The following SLC35F2 variants were observed in gnomAD, a reference collection of about 807,000 sequenced individuals.
The protein encoded by SLC35F2 is solute carrier family 35 member F2.
In SLC35F2, 25 loss-of-function variants were observed where a neutral mutation model predicts 38.1. The ratio of observed to expected loss-of-function variants is 0.66; its 90% CI spans 0.48 to 0.92. SLC35F2 has a LOEUF of 0.92. Among genes scored for constraint, SLC35F2 ranks in the 40% least tolerant of loss-of-function variants. SLC35F2 has a pLI of 0.00. For missense variants in SLC35F2, 409 were observed against 452.9 expected (o/e 0.90, Z 0.88); for synonymous variants, 173 against 181.7 (o/e 0.95, Z 0.38).
chr11:107,825,209 C>T (rs1222308706), intron 1 of SLC35F2, among the ~76,000 whole-genome samples: 1 of 151,980 alleles, frequency 6.6e-6, no homozygotes, highest in Non-Finnish European at 1.5e-5. Context: ...TTTAAATAAC[C>T]ACATGTGGCT....
At chr11:107,838,382 C>T (rs146898503) in intron 1 of SLC35F2, among the ~76,000 whole-genome samples, 419 of 151,972 alleles carry the variant, frequency 2.8e-3, no homozygotes, top group African/African-American at 9.4e-3. Flanking sequence ...TGGAGTACAA[C>T]GGCGTACTCT....
At chr11:107,804,570 T>G (rs956302638) in intron 6 of SLC35F2, 148 bp downstream of exon 6, 7 of 554,792 alleles carry the variant, frequency 1.3e-5, no homozygotes, top group African/African-American at 1.2e-4. Context: ...CAGAGAAAAC[T>G]CAATGTAAAC....
At chr11:107,796,941 G>A (rs1314309836) in intron 7 of SLC35F2, among the ~76,000 whole-genome samples, 1 of 152,152 alleles carries the variant, frequency 6.6e-6, no homozygotes, top group East Asian at 1.9e-4. Context: ...CCAAAGTGGT[G>A]GGATTACAGG....
intron 1 of SLC35F2, chr11:107,816,429 T>A: frequency 3.9e-6 from 1 of 257,078 alleles, no homozygotes; most frequent in Non-Finnish European, 6.0e-6. Flanking sequence ...TATAGGCACA[T>A]GCCACCATGC....
Position 107,804,730 on chromosome 11 carries a change from C to A in SLC35F2, c.772G>T (p.Asp258Tyr), listed in dbSNP as rs1300042491. Residue 258 changes from aspartate to tyrosine, a missense_variant, in exon 6 of 8, where the codon GAC (aspartate) becomes TAC (tyrosine). Transcript: ENST00000525815. ...EYKDIASIHW[D>Y]WKIALLFVAF... ...TTTCTTTACATACCAATTTTCCAGT[C>A]CCAATGAATGCTGGCAATATCCTTA... 6.2e-7 allele frequency: 1 copy of A among 1,607,130 alleles called. No individual in the cohort carries two copies.
chr11:107,839,604 T>C (rs768671285), intron 1 of SLC35F2, among the ~76,000 whole-genome samples: 6 of 152,254 alleles, frequency 3.9e-5, no homozygotes, highest in Non-Finnish European at 5.9e-5. Context: ...CCATGTATGA[T>C]ATCCTTCTCT....
chr11:107,810,124 A>G (rs1322467420), intron 3 of SLC35F2: 8 of 985,338 alleles, frequency 8.1e-6, no homozygotes, highest in African/African-American at 1.7e-5. Context: ...TTGGAGAACC[A>G]GCTTGAATCA....
At position 107,856,123 on chromosome 11, in the gene SLC35F2, AG is replaced by A. The variant is rs200993199; in HGVS notation, c.110+2534del. ...TCTGTCTCAAAAAAAAAAAAAAAAA[AG>A]AAGAAGAAGAAAAGAAAAGAAAATC... is the stretch of plus-strand genomic sequence containing the variant. On this transcript the variant is annotated intron_variant, in intron 1 of 7. Coordinates refer to ENST00000525815, the MANE Select transcript of SLC35F2 (RefSeq NM_017515.5). 9.7e-4 allele frequency among the ~76,000 whole-genome samples: 138 copies of A among 142,898 alleles called. 2 individuals are homozygous for A. Among genetic ancestry groups the A allele is most frequent in the Middle Eastern group, 7.4e-3 (2 of 272 alleles). 93.7% of individuals were successfully genotyped at this position (142,898 alleles called of 152,430 possible).
At chr11:107,826,040 T>C (rs949761102) in intron 1 of SLC35F2, among the ~76,000 whole-genome samples, 1 of 152,114 alleles carries the variant, frequency 6.6e-6, no homozygotes, top group Admixed American at 6.6e-5. Context: ...CAGCACTATT[T>C]ATACTAGCAA....
chr11:107,830,387 C>T (rs927596310), intron 1 of SLC35F2, among the ~76,000 whole-genome samples: 1 of 151,928 alleles, frequency 6.6e-6, no homozygotes, highest in Non-Finnish European at 1.5e-5. Flanking sequence ...AGATCGAGAA[C>T]ATCCTGGCCA....
chr11:107,836,635 C>T (rs1042325478), intron 1 of SLC35F2, among the ~76,000 whole-genome samples: 3 of 152,152 alleles, frequency 2.0e-5, no homozygotes, highest in African/African-American at 7.2e-5. Context: ...GGAAGGCAGG[C>T]AGCTTCCAGA....
intron 1 of SLC35F2, among the ~76,000 whole-genome samples, chr11:107,833,535 AAAG>A (rs1473944091): frequency 6.6e-6 from 1 of 151,730 alleles, no homozygotes; most frequent in Non-Finnish European, 1.5e-5. Context: ...AAAAAAAAAA[AAAG>A]GAGAGAGGTG....
chr11:107,858,572 GA>G lies in SLC35F2; in HGVS notation c.110+85del. ...CTCTGCCTCCCTGCTGGGGGCCTCA[GA>G]GAGTGTGCTCCTTGTCCACGTGCGC... On this transcript the variant is annotated intron_variant, in intron 1 of 7. Coordinates refer to ENST00000525815, the MANE Select transcript of SLC35F2 (RefSeq NM_017515.5). The G allele has an allele frequency of 3.4e-6, 4 of 1,178,474 alleles. No individual in the cohort carries two copies. In the Admixed American group the frequency reaches 1.7e-4, roughly 50 times the overall value. 73.0% of individuals were successfully genotyped at this position (1,178,474 alleles called of 1,614,324 possible).
intron 1 of SLC35F2, among the ~76,000 whole-genome samples, chr11:107,825,302 T>TA (rs781648520): frequency 2.6e-5 from 4 of 152,086 alleles, no homozygotes; most frequent in Non-Finnish European, 5.9e-5. Context: ...AGGCTCTTGT[T>TA]AAAGTGCAGC....
chr11:107,815,322 G>A (rs1298752918), intron 2 of SLC35F2, among the ~76,000 whole-genome samples: 2 of 151,234 alleles, frequency 1.3e-5, no homozygotes, highest in Non-Finnish European at 2.9e-5. Context: ...GGCTGAGGTG[G>A]GCAGATCACT....
intron 1 of SLC35F2, among the ~76,000 whole-genome samples, chr11:107,837,525 T>TAAAAA (rs57873203): frequency 0.015 from 1,863 of 121,744 alleles, 53 homozygotes; most frequent in African/African-American, 0.046. Flanking sequence ...CTGTCTCTAC[T>TAAAAA]AAAAAAAAAA....
intron 1 of SLC35F2, among the ~76,000 whole-genome samples, chr11:107,843,782 C>T (rs1367968566): frequency 7.1e-6 from 1 of 141,716 alleles, no homozygotes; most frequent in Admixed American, 7.5e-5. Context: ...GAGTTCAAGG[C>T]TGCAGTGAAC....
chr11:107,792,854 G>A, intron 7 of SLC35F2, 54 bp from the exon 8 acceptor site: 1 of 1,455,922 alleles, frequency 6.9e-7, no homozygotes, highest in Non-Finnish European at 9.1e-7. Context: ...CATCTTTGCT[G>A]CTGGCTTTTG....
At chr11:107,848,742 A>G (rs934555636) in intron 1 of SLC35F2, among the ~76,000 whole-genome samples, 16 of 152,156 alleles carry the variant, frequency 1.1e-4, no homozygotes. Context: ...CTATAAAACG[A>G]TCAATAGCAG....
Sources: allele counts gnomAD v4.1 joint callset (sites outside exome capture counted in the v4.1 genomes callset), GRCh38; gene constraint gnomAD v4.1.1; transcripts MANE v1.5; gene names NCBI Gene and HGNC (gene_info 2026-07-23, HGNC 2026-07-21).